Variants in MARCHF1 observed in about 807,000 individuals in gnomAD.
The protein encoded by MARCHF1 is membrane associated ring-CH-type finger 1.
A neutral mutation model predicts 54.2 loss-of-function variants in MARCHF1; 40 were observed. The ratio of observed to expected loss-of-function variants is 0.74; its 90% CI spans 0.57 to 0.96. MARCHF1 has a LOEUF of 0.96. MARCHF1 is among the 40% of genes least tolerant of loss of function. The pLI is 0.00. For missense variants in MARCHF1, 586 were observed against 656.5 expected, an observed-to-expected ratio of 0.89 and a Z score of 1.17; for synonymous variants, 236 against 236.3, an observed-to-expected ratio of 1.00 and a Z score of 0.01.
At chr4:164,291,320 T>G (rs1443133423) in intron 1 of MARCHF1, among the ~76,000 whole-genome samples, 2 of 152,042 alleles carry the variant, frequency 1.3e-5, no homozygotes, top group Non-Finnish European at 2.9e-5. Context: ...AATCATTTTT[T>G]GCATGTCATT....
At chr4:164,052,101 A>T (rs866654649) in intron 2 of MARCHF1, among the ~76,000 whole-genome samples, 2 of 151,970 alleles carry the variant, frequency 1.3e-5, no homozygotes, top group South Asian at 2.1e-4. Flanking sequence ...ACATTCCAAG[A>T]CAATTCTGAG....
chr4:163,712,723 A>C (rs1003775589), intron 4 of MARCHF1, among the ~76,000 whole-genome samples: 2 of 152,224 alleles, frequency 1.3e-5, no homozygotes, highest in Admixed American at 1.3e-4. Flanking sequence ...GGTTGAACAA[A>C]TAGACACAAG....
At chr4:163,936,358 C>A (rs933498955) in intron 3 of MARCHF1, among the ~76,000 whole-genome samples, 8 of 152,158 alleles carry the variant, frequency 5.3e-5, no homozygotes, top group African/African-American at 1.9e-4. Flanking sequence ...TGCCACAAAC[C>A]TTCAGTGTGT....
chr4:163,892,161 A>G (rs1417969524), intron 3 of MARCHF1, among the ~76,000 whole-genome samples: 1 of 152,236 alleles, frequency 6.6e-6, no homozygotes, highest in African/African-American at 2.4e-5. Flanking sequence ...AGGTGAAGGA[A>G]AATAAAGCAC....
At chr4:163,904,799 G>GAA (rs1429107816) in intron 3 of MARCHF1, among the ~76,000 whole-genome samples, 47 of 19,980 alleles carry the variant, frequency 2.4e-3, no homozygotes, top group Non-Finnish European at 9.5e-3. Flanking sequence ...GAAAGAGAGA[G>GAA]AGAGAGAGAC....
chr4:164,093,889 C>T (rs770274990), intron 2 of MARCHF1, among the ~76,000 whole-genome samples: 1 of 152,036 alleles, frequency 6.6e-6, no homozygotes, highest in African/African-American at 2.4e-5. Context: ...CTCTTTGCCC[C>T]TTATATTTCT....
chr4:163,834,862 C>T (rs541292005), intron 4 of MARCHF1, among the ~76,000 whole-genome samples: 15 of 152,034 alleles, frequency 9.9e-5, no homozygotes, highest in African/African-American at 3.6e-4. Context: ...TAGAGATGCA[C>T]ATAATTATTT....
chr4:164,274,154 C>T (rs1467048848), intron 1 of MARCHF1, among the ~76,000 whole-genome samples: 1 of 152,000 alleles, frequency 6.6e-6, no homozygotes, highest in Non-Finnish European at 1.5e-5. Context: ...TCATTTTCTA[C>T]CAAAAGAAAG....
intron 4 of MARCHF1, among the ~76,000 whole-genome samples, chr4:163,707,412 A>G (rs930062360): frequency 6.6e-6 from 1 of 152,092 alleles, no homozygotes; most frequent in African/African-American, 2.4e-5. Flanking sequence ...AGATAGAAAC[A>G]GAAATTCACA....
At chr4:163,714,659 A>G (rs764353091) in intron 4 of MARCHF1, among the ~76,000 whole-genome samples, 1 of 152,090 alleles carries the variant, frequency 6.6e-6, no homozygotes, top group African/African-American at 2.4e-5. Context: ...GACAATTAAC[A>G]TGCTATTTTA....
chr4:163,812,976 C>G (rs1247948453), intron 4 of MARCHF1, among the ~76,000 whole-genome samples: 1 of 152,120 alleles, frequency 6.6e-6, no homozygotes, highest in Non-Finnish European at 1.5e-5. Context: ...ATATATGGTT[C>G]ATGTCAGCTC....
At chr4:164,070,991 T>C (rs1754851850) in intron 2 of MARCHF1, among the ~76,000 whole-genome samples, 1 of 152,208 alleles carries the variant, frequency 6.6e-6, no homozygotes. Flanking sequence ...CATTTTCTCT[T>C]GCCGCTGCCA....
chr4:164,382,711 A>G (rs1731404335), intron 1 of MARCHF1, among the ~76,000 whole-genome samples: 1 of 152,134 alleles, frequency 6.6e-6, no homozygotes, highest in Non-Finnish European at 1.5e-5. Context: ...CTCCTAAACA[A>G]GGAATTCATC....
intron 4 of MARCHF1, among the ~76,000 whole-genome samples, chr4:163,737,416 T>A (rs1217940199): frequency 3.3e-5 from 2 of 59,862 alleles, no homozygotes; most frequent in African/African-American, 9.7e-5. Flanking sequence ...CCTTCCTGTG[T>A]CCATGTGATC....
At chr4:163,922,667 T>C (rs1454742450) in intron 3 of MARCHF1, among the ~76,000 whole-genome samples, 2 of 152,212 alleles carry the variant, frequency 1.3e-5, no homozygotes, top group African/African-American at 4.8e-5. Flanking sequence ...TGTGTCTATC[T>C]AATGTATTTT....
At chr4:163,908,662 C>T (rs1751123126) in intron 3 of MARCHF1, among the ~76,000 whole-genome samples, 1 of 151,976 alleles carries the variant, frequency 6.6e-6, no homozygotes, top group Non-Finnish European at 1.5e-5. Context: ...ACCAAGAAGT[C>T]CTATAAAGTC....
chr4:163,961,284 T>C (rs949577967), intron 3 of MARCHF1, among the ~76,000 whole-genome samples: 1 of 151,980 alleles, frequency 6.6e-6, no homozygotes, highest in African/African-American at 2.4e-5. Flanking sequence ...TGACCTTCCA[T>C]GTAATAAAGG....
chr4:163,837,682 T>TAACA (rs1377400414), intron 4 of MARCHF1, among the ~76,000 whole-genome samples: 2 of 151,876 alleles, frequency 1.3e-5, no homozygotes, highest in African/African-American at 4.8e-5. Context: ...GAAAACAAAT[T>TAACA]AACAAAATTA....
At chr4:163,980,569 C>T (rs911557620) in intron 3 of MARCHF1, among the ~76,000 whole-genome samples, 2 of 152,138 alleles carry the variant, frequency 1.3e-5, no homozygotes, top group African/African-American at 4.8e-5. Flanking sequence ...CCCTTTAATT[C>T]TAAAGCATGA....
Sources: gnomAD v4.1 joint callset for allele counts (sites outside exome capture counted in the v4.1 genomes callset) on GRCh38, gnomAD v4.1.1 for gene constraint, MANE v1.5 for transcripts, NCBI Gene and HGNC (gene_info 2026-07-23, HGNC 2026-07-21) for gene names.